The following EYA1 variants were observed in gnomAD, a reference collection of about 807,000 sequenced individuals.
EYA1 encodes EYA transcriptional coactivator and phosphatase 1.
A neutral mutation model predicts 82.0 loss-of-function variants in EYA1; 16 were observed. The ratio of observed to expected loss-of-function variants is 0.20; its 90% CI spans 0.13 to 0.30. The LOEUF (loss-of-function observed/expected upper bound fraction) is 0.30, where lower values mean the gene tolerates loss of function less well. Ranked by LOEUF, EYA1 falls within the 10% of genes least tolerant of loss-of-function variation. EYA1 has a pLI of 1.00. For synonymous variants in EYA1, 261 were observed against 264.4 expected, an observed-to-expected ratio of 0.99 and a Z score of 0.12; for missense variants, 633 against 730.7, an observed-to-expected ratio of 0.87 and a Z score of 1.54.
chr8:71,385,237 T>A (rs1828911154), intron 2 of EYA1, among the ~76,000 whole-genome samples: 1 of 151,904 alleles, frequency 6.6e-6, no homozygotes, highest in African/African-American at 2.4e-5. Flanking sequence ...AGAAAGTAAA[T>A]TAAGAATTAT....
At chr8:71,305,669 AT>A (rs1820653979) in intron 7 of EYA1, among the ~76,000 whole-genome samples, 1 of 151,720 alleles carries the variant, frequency 6.6e-6, no homozygotes, top group Admixed American at 6.6e-5. Flanking sequence ...AAATAAATAA[AT>A]AAATAATTGT....
chr8:71,488,711 T>C (rs1332231485), intron 2 of EYA1, among the ~76,000 whole-genome samples: 2 of 152,204 alleles, frequency 1.3e-5, no homozygotes, highest in Non-Finnish European at 2.9e-5. Flanking sequence ...TCTACACACT[T>C]TACTAGGTGT....
intron 9 of EYA1, among the ~76,000 whole-genome samples, chr8:71,292,834 T>C (rs565544075): frequency 1.1e-4 from 16 of 152,078 alleles, no homozygotes; most frequent in African/African-American, 2.9e-4. Flanking sequence ...TGAACACATA[T>C]ATTAGAAAAG....
At chr8:71,360,958 T>G (rs1827321103) in intron 1 of EYA1, among the ~76,000 whole-genome samples, 1 of 152,242 alleles carries the variant, frequency 6.6e-6, no homozygotes, top group African/African-American at 2.4e-5. Flanking sequence ...ATGGCAAATA[T>G]TTTAAATGGT....
rs71264555 is a variant in EYA1, at chr8:71,425,104, CAAAAAAA to C, written c.34-68600_34-68594del. 1.2e-4 allele frequency among the ~76,000 whole-genome samples: 9 copies of C among 75,274 alleles called. No homozygotes were observed. In the South Asian group the frequency reaches 1.8e-3, roughly 15 times the overall value. The allele number at this position is 75,274 out of a possible 152,430, so 49.4% of individuals were successfully genotyped here. On this transcript the variant is annotated intron_variant, in intron 2 of 18. Transcript: ENST00000643681. ...TGAAACCCTGTCTCCACTAAAAATA[CAAAAAAA>C]AAAAAAAAAAAAAAAAAATCAATGA...
chr8:71,269,943 T>G (rs1816314218), intron 10 of EYA1, 120 bp from the exon 11 acceptor site: 5 of 778,850 alleles, frequency 6.4e-6, no homozygotes, highest in Admixed American at 2.0e-5. Context: ...CTGAATTTAT[T>G]ATTTCAAAAA....
chr8:71,209,580 T>C (rs1808254937), intron 17 of EYA1, among the ~76,000 whole-genome samples: 1 of 152,216 alleles, frequency 6.6e-6, no homozygotes, highest in Non-Finnish European at 1.5e-5. Flanking sequence ...GAAGGTAAAC[T>C]AGGCCATCTT....
intron 9 of EYA1, among the ~76,000 whole-genome samples, chr8:71,287,553 C>A (rs1359580569): frequency 6.6e-6 from 1 of 152,216 alleles, no homozygotes; most frequent in Non-Finnish European, 1.5e-5. Flanking sequence ...TCTGGATAAC[C>A]TGGTAGAAAC....
At chr8:71,216,501 G>A (rs1263390526) in intron 14 of EYA1, among the ~76,000 whole-genome samples, 191 bp downstream of exon 14, 1 of 152,070 alleles carries the variant, frequency 6.6e-6, no homozygotes, top group African/African-American at 2.4e-5. Context: ...GACTAGACTG[G>A]AATAGCCAGG....
chr8:71,325,635 C>G (rs993292896), intron 4 of EYA1, among the ~76,000 whole-genome samples: 21 of 152,242 alleles, frequency 1.4e-4, no homozygotes, highest in African/African-American at 4.8e-4. Flanking sequence ...ATAAACCTAA[C>G]TTAGTTCTGT....
intron 9 of EYA1, among the ~76,000 whole-genome samples, chr8:71,272,960 C>G (rs989988021): frequency 1.2e-4 from 19 of 152,172 alleles, no homozygotes; most frequent in Non-Finnish European, 2.4e-4. Flanking sequence ...GGCTTGGTAG[C>G]CTTTATTAAC....
At chr8:71,219,469 A>G (rs901539975) in intron 12 of EYA1, among the ~76,000 whole-genome samples, 6 of 152,236 alleles carry the variant, frequency 3.9e-5, no homozygotes, top group African/African-American at 1.2e-4. Flanking sequence ...AAATGTGTCT[A>G]TGTAATTGTT....
chr8:71,299,025 C>T (rs1479696719), intron 9 of EYA1, 22 bp downstream of exon 9: 2 of 1,602,162 alleles, frequency 1.2e-6, no homozygotes, highest in East Asian at 4.5e-5. Context: ...ACCTGCAGGA[C>T]TAATAATATT....
Position 71,438,142 on chromosome 8 carries a change from C to T in EYA1, c.34-81631G>A, listed in dbSNP as rs117383911. 1.2e-3 allele frequency among the ~76,000 whole-genome samples: 183 copies of T among 152,190 alleles called. 7 individuals carry two copies. In the East Asian group the frequency reaches 0.034, roughly 29 times the overall value. On this transcript the variant is annotated intron_variant, in intron 2 of 18. Coordinates refer to the EYA1 transcript ENST00000643681. ...ACGTCCTAGATGAATTCCTTACCAT[C>T]TTGTTAATTCTCACCCAAAAACAAT...
In EYA1 at chr8:71,345,114, A is replaced by G. The variant is rs143477073; in HGVS notation, c.124+9668T>C. Among the ~76,000 whole-genome samples the G allele has an allele frequency of 4.0e-3, 610 of 152,278 alleles. 3 individuals are homozygous for G. The highest frequency in any genetic ancestry group is 0.014 in the African/African-American group (564 of 41,572). On this transcript the variant is annotated intron_variant, in intron 3 of 17. Coordinates refer to ENST00000340726, the MANE Select transcript of EYA1 (RefSeq NM_000503.6). Reference sequence around the variant, plus strand: ...AGTCCCAGAAGATATGTTTCTTTTTAAAAATATAACATTATTTAATAATAG... The same window carrying G: ...AGTCCCAGAAGATATGTTTCTTTTTGAAAATATAACATTATTTAATAATAG...
At chr8:71,320,201 G>A (rs1822382334) in intron 6 of EYA1, among the ~76,000 whole-genome samples, 1 of 152,210 alleles carries the variant, frequency 6.6e-6, no homozygotes, top group Admixed American at 6.5e-5. Flanking sequence ...AAAGGGAGAT[G>A]TCCAGGTCCC....
chr8:71,423,683 T>C (rs1282825355), intron 2 of EYA1, among the ~76,000 whole-genome samples: 1 of 152,230 alleles, frequency 6.6e-6, no homozygotes, highest in Non-Finnish European at 1.5e-5. Flanking sequence ...TTAATGTGTT[T>C]CAAATATACA....
intron 11 of EYA1, 59 bp downstream of exon 11, chr8:71,269,681 A>T (rs1816280203): frequency 8.3e-7 from 1 of 1,207,234 alleles, no homozygotes; most frequent in Non-Finnish European, 1.2e-6. Flanking sequence ...TGGATAATAA[A>T]CAAATTAGAG....
chr8:71,331,247 C>T (rs1427608788), intron 4 of EYA1, among the ~76,000 whole-genome samples: 730 of 25,344 alleles, frequency 0.029, 4 homozygotes, highest in African/African-American at 0.11. Flanking sequence ...TAAATAAATA[C>T]ACACACACAC....
Sources: allele counts gnomAD v4.1 joint callset (sites outside exome capture counted in the v4.1 genomes callset), GRCh38; gene constraint gnomAD v4.1.1; transcripts MANE v1.5; gene names NCBI Gene and HGNC (gene_info 2026-07-23, HGNC 2026-07-21).